Variants in EFR3B observed in about 807,000 individuals in gnomAD.
EFR3B encodes the protein EFR3 homolog B.
Under a neutral mutation model 104.7 loss-of-function variants are expected in EFR3B, and 64 were observed. The observed-to-expected ratio is 0.61, with a 90% CI of 0.50 to 0.75. The LOEUF is 0.75. Ranked by LOEUF, EFR3B falls within the 30% of genes least tolerant of loss-of-function variation. The pLI, the probability that EFR3B is intolerant of heterozygous loss-of-function variation, is 0.00. For missense variants in EFR3B, 750 were observed against 1,078.5 expected, an observed-to-expected ratio of 0.70 and a Z score of 4.27; for synonymous variants, 385 against 417.9, an observed-to-expected ratio of 0.92 and a Z score of 0.96.
At chr2:25,083,890 A>C (rs1241277032) in intron 1 of EFR3B, among the ~76,000 whole-genome samples, 2 of 152,102 alleles carry the variant, frequency 1.3e-5, no homozygotes, top group African/African-American at 4.8e-5. Flanking sequence ...TTTTAACCAG[A>C]TCCCCAAGGG....
intron 4 of EFR3B, among the ~76,000 whole-genome samples, chr2:25,112,769 A>G (rs1669754924): frequency 6.6e-6 from 1 of 152,230 alleles, no homozygotes; most frequent in Admixed American, 6.5e-5. Context: ...CTTTGTAGGT[A>G]AATGCAGCAA....
chr2:25,139,661 G>A (rs988595017), intron 16 of EFR3B, among the ~76,000 whole-genome samples: 17 of 152,162 alleles, frequency 1.1e-4, no homozygotes, highest in African/African-American at 2.4e-4. Flanking sequence ...ATCTGTTCAC[G>A]CCCACTCATA....
rs550325341 is a variant in EFR3B at position 25,144,539 on chromosome 2, G to A, written c.2051-421G>A. Among the ~76,000 whole-genome samples the A allele has an allele frequency of 1.4e-3, 210 of 151,568 alleles. 1 individual carries two copies. The highest frequency in any genetic ancestry group is 4.9e-3 in the African/African-American group (204 of 41,316). ...AGCCTGGGCGACAGAGCAAGACTCC[G>A]TCTAAAAAAAAAACAAAAAAACAAA... On this transcript the variant is annotated intron_variant, in intron 18 of 22. Transcript: ENST00000403714.
chr2:25,151,106 A>C (rs1670994942), intron 20 of EFR3B, among the ~76,000 whole-genome samples: 1 of 151,366 alleles, frequency 6.6e-6, no homozygotes, highest in Admixed American at 6.6e-5. Context: ...TGCGACACAC[A>C]CCCCTTTTTC....
intron 3 of EFR3B, among the ~76,000 whole-genome samples, chr2:25,096,536 C>G (rs1396094929): frequency 1.3e-5 from 2 of 152,192 alleles, no homozygotes; most frequent in African/African-American, 4.8e-5. Flanking sequence ...AAAAATCCAG[C>G]ATCCTCAGCT....
chr2:25,136,724 A>C lies in EFR3B; in HGVS notation c.1560+126A>C. On this transcript the variant is annotated intron_variant, in intron 14 of 22. Coordinates refer to ENST00000403714, the MANE Select transcript of EFR3B (RefSeq NM_014971.2). This position sits in a 1 kb window ranked among gnomAD's most constrained non-coding sequence, Gnocchi z 4.0. ...TGAGGTGGGGAGCTCGAGACCAGCC[A>C]GACCAACATGGTAAAATCCCATCTT... 1.4e-6 allele frequency: 1 copy of C among 731,238 alleles called. No homozygotes were observed. Among genetic ancestry groups the C allele is most frequent in the Non-Finnish European group, 2.3e-6 (1 of 441,154 alleles). 45.3% of individuals were successfully genotyped at this position (731,238 alleles called of 1,614,324 possible).
rs1669808149 is a variant in EFR3B at position 25,114,543 on chromosome 2, G to A, written c.364-7130G>A. 6.6e-6 allele frequency among the ~76,000 whole-genome samples: 1 copy of A among 152,184 alleles called. No homozygotes were observed. Among genetic ancestry groups the A allele is most frequent in the African/African-American group, 2.4e-5 (1 of 41,444 alleles). ...GAGCAAGAGTCCTGGCAGCCCGAGG[G>A]AATGGAATGGTCAACAGCCCGAGCC... is the stretch of plus-strand genomic sequence containing the variant. On this transcript the variant is annotated intron_variant, in intron 4 of 22. Coordinates refer to ENST00000403714, the MANE Select transcript of EFR3B (RefSeq NM_014971.2). The surrounding 1 kb of genome is among the most constrained non-coding windows in gnomAD (Gnocchi z 4.0).
intron 1 of EFR3B, among the ~76,000 whole-genome samples, chr2:25,065,418 T>C (rs1021599537): frequency 4.7e-5 from 7 of 150,464 alleles, no homozygotes; most frequent in Admixed American, 2.7e-4. Flanking sequence ...CTCAAACTCC[T>C]GTGCTCAAGC....
intron 1 of EFR3B, among the ~76,000 whole-genome samples, chr2:25,046,880 G>A (rs923153932): frequency 9.2e-5 from 14 of 152,242 alleles, no homozygotes; most frequent in Non-Finnish European, 1.6e-4. Context: ...GCACATGTGC[G>A]CATGTGCACA....
intron 1 of EFR3B, among the ~76,000 whole-genome samples, chr2:25,066,356 C>T (rs1668338387): frequency 6.6e-6 from 1 of 152,166 alleles, no homozygotes; most frequent in African/African-American, 2.4e-5. Flanking sequence ...TGACAGCTTT[C>T]CCCTCTTGGC....
intron 1 of EFR3B, among the ~76,000 whole-genome samples, chr2:25,086,412 C>T (rs1281105489): frequency 1.3e-5 from 2 of 152,192 alleles, no homozygotes; most frequent in South Asian, 2.1e-4. Context: ...TGCTCCACAT[C>T]CCTGCCAGCA....
At position 25,139,085 on chromosome 2, in the gene EFR3B, C is replaced by G; in HGVS notation, c.1749C>G (p.Asn583Lys). The G allele has an allele frequency of 6.4e-7, 1 of 1,551,748 alleles. No individual in the cohort carries two copies. Among genetic ancestry groups the G allele is most frequent in the African/African-American group, 1.4e-5 (1 of 73,168 alleles). ...VQDVAQVNEE[N>K]LPVYNRCALY... ...ACGTGGCCCAAGTCAATGAGGAGAA[C>G]TTGCCTGTCTACAACCGCTGTGCCC... The change falls in exon 16 of 23, where the codon AAC (asparagine) becomes AAG (lysine). Residue 583 changes from asparagine to lysine, a missense_variant. By Grantham distance (94) the Asn-to-Lys change is moderately conservative (BLOSUM62 0). Transcript: ENST00000403714.
chr2:25,087,885 A>T (rs1056182011), intron 1 of EFR3B, among the ~76,000 whole-genome samples: 1 of 152,228 alleles, frequency 6.6e-6, no homozygotes, highest in African/African-American at 2.4e-5. Flanking sequence ...AAGGTCATCT[A>T]GGCTTTTTCC....
intron 4 of EFR3B, among the ~76,000 whole-genome samples, chr2:25,118,601 G>A (rs1451663040): frequency 1.3e-5 from 2 of 151,802 alleles, no homozygotes; most frequent in African/African-American, 4.8e-5. Flanking sequence ...ACGTTAACTG[G>A]CTTAACCGTG....
intron 19 of EFR3B, among the ~76,000 whole-genome samples, chr2:25,148,626 T>C (rs1345435350): frequency 6.6e-6 from 1 of 151,488 alleles, no homozygotes; most frequent in East Asian, 2.0e-4. Flanking sequence ...TTTAATACTT[T>C]AAGACTTCAG....
chr2:25,144,863 C>A, intron 18 of EFR3B, 97 bp from the exon 19 acceptor site: 2 of 1,072,322 alleles, frequency 1.9e-6, no homozygotes, highest in Non-Finnish European at 2.7e-6. Flanking sequence ...GGACTGTGGA[C>A]CAAGCAAAGG....
At chr2:25,087,361 GTATA>G (rs67038461) in intron 1 of EFR3B, among the ~76,000 whole-genome samples, 46 of 148,688 alleles carry the variant, frequency 3.1e-4, no homozygotes, top group Admixed American at 1.1e-3. Context: ...CTTCATATAT[GTATA>G]TATATATATA....
At chr2:25,118,503 T>G (rs1199942624) in intron 4 of EFR3B, among the ~76,000 whole-genome samples, 4 of 151,916 alleles carry the variant, frequency 2.6e-5, no homozygotes, top group Non-Finnish European at 4.4e-5. Context: ...GACATTTAGG[T>G]TATTTCCACA....
intron 19 of EFR3B, chr2:25,147,451 C>T (rs1670849400): frequency 2.6e-5 from 4 of 152,246 alleles, no homozygotes; most frequent in Admixed American, 2.6e-4. Flanking sequence ...TGTTAAATGA[C>T]TTTATCTCAT....
Sources: gnomAD v4.1 joint callset for allele counts (sites outside exome capture counted in the v4.1 genomes callset) on GRCh38, gnomAD v4.1.1 for gene constraint, Gnocchi (gnomAD v3.1) non-coding constraint, MANE v1.5 for transcripts, NCBI Gene and HGNC (gene_info 2026-07-23, HGNC 2026-07-21) for gene names.